Variants in DOCK6 observed in about 807,000 individuals in gnomAD.
DOCK6 encodes the protein dedicator of cytokinesis 6, also known as dedicator of cytokinesis protein 6.
DOCK6 carries 167 observed loss-of-function variants against 230.3 expected under a neutral mutation model. That is an observed-to-expected ratio of 0.73 (90% CI 0.64 to 0.82). The LOEUF is 0.82. Ranked by LOEUF, DOCK6 falls within the 40% of genes least tolerant of loss-of-function variation. DOCK6 has a pLI of 0.00. For synonymous variants in DOCK6, 1,148 were observed against 1,185.0 expected (o/e 0.97, Z 0.64); for missense variants, 2,598 against 2,825.8 (o/e 0.92, Z 1.83).
At chr19:11,214,964 A>G in intron 32 of DOCK6, among the ~76,000 whole-genome samples, 1 of 133,238 alleles carries the variant, frequency 7.5e-6, no homozygotes, top group Non-Finnish European at 1.6e-5. Flanking sequence ...TTTTTTTGAG[A>G]TGGAGTCTCG....
intron 22 of DOCK6, among the ~76,000 whole-genome samples, chr19:11,231,150 G>A (rs1402874508): frequency 6.6e-5 from 10 of 152,320 alleles, no homozygotes; most frequent in Admixed American, 6.5e-4. Context: ...AGGTTACCTT[G>A]GTGATGGGCA....
Position 11,214,581 on chromosome 19 carries a change from A to C in DOCK6, c.4175T>G (p.Val1392Gly), listed in dbSNP as rs1229818538. ...CACGATGATCTCCAGTGTGTCCAGA[A>C]CCACTAGGCTTGCCTCGGTTGCCAG... Reference protein sequence around the residue: ...GNLATEASLVVLDTLEIIVQT... With the variant: ...GNLATEASLVGLDTLEIIVQT... The change falls in exon 33 of 48, where the codon GTT (valine) becomes GGT (glycine). Residue 1392 changes from valine to glycine, a missense_variant. Physicochemically the swap from Val to Gly is moderately radical, Grantham distance 109 (BLOSUM62 -3). Coordinates refer to ENST00000294618, the MANE Select transcript of DOCK6 (RefSeq NM_020812.4). The C allele has an allele frequency of 6.2e-7, 1 of 1,613,850 alleles. No homozygotes were observed. The highest frequency in any genetic ancestry group is 8.5e-7 in the Non-Finnish European group (1 of 1,179,866).
At chr19:11,224,035 C>T (rs2079622707) in intron 24 of DOCK6, among the ~76,000 whole-genome samples, 1 of 152,046 alleles carries the variant, frequency 6.6e-6, no homozygotes, top group Admixed American at 6.6e-5. Flanking sequence ...GCTGCGGGTC[C>T]AACTCAATCC....
rs766155193 is a variant in DOCK6, at chr19:11,214,571, T to C, written c.4185A>G (p.Thr1395=). 1.2e-6 allele frequency: 2 copies of C among 1,613,820 alleles called. No individual in the cohort carries two copies. Among genetic ancestry groups the C allele is most frequent in the East Asian group, 2.2e-5 (1 of 44,882 alleles). The change falls in exon 33 of 48, where the codon ACA becomes ACG. Residue 1395 remains threonine, a synonymous_variant. Coordinates refer to ENST00000294618, the MANE Select transcript of DOCK6 (RefSeq NM_020812.4). ...ATEASLVVLD[T]LEIIVQTVML... ...GCCCTACCTGCACGATGATCTCCAG[T>C]GTGTCCAGAACCACTAGGCTTGCCT... is the stretch of plus-strand genomic sequence containing the variant.
rs200375462 is a variant in DOCK6 at position 11,208,723 on chromosome 19, A to T, written c.5051T>A (p.Val1684Glu). The T allele has an allele frequency of 1.2e-6, 2 of 1,613,224 alleles. No individual in the cohort carries two copies. Among genetic ancestry groups the T allele is most frequent in the African/African-American group, 2.7e-5 (2 of 74,988 alleles). Residue 1684 changes from valine (V) to glutamate (E), a missense_variant, in exon 39 of 48, where the codon GTA (valine) becomes GAA (glutamate). Transcript: ENST00000294618. The stretch of plus-strand genomic sequence containing the variant: ...GCCGGCTGCCTGTTCCAGCAACCCT[A>T]CCAGCCCCAGCTCAGTGAAGTGCTT... ...SGKHFTELGLVGLLEQAAGYF... is the reference protein window; with the variant it reads ...SGKHFTELGLEGLLEQAAGYF...
chr19:11,208,897 C>G lies in DOCK6; in HGVS notation c.4944+14G>C. The G allele has an allele frequency of 6.3e-7, 1 of 1,597,640 alleles. No homozygotes were observed. Among genetic ancestry groups the G allele is most frequent in the South Asian group, 1.1e-5 (1 of 90,766 alleles). ...CTCGTGCCGTCCGCCACCTGCCAAC[C>G]CCTGGCCACTCACCTGGAAGGAAAC... is the stretch of plus-strand genomic sequence containing the variant. On this transcript the variant is annotated intron_variant, in intron 38 of 47. Coordinates refer to ENST00000294618, the MANE Select transcript of DOCK6 (RefSeq NM_020812.4).
rs188725837 is a variant in DOCK6 at position 11,258,510 on chromosome 19, G to A, written c.44+3887C>T. On this transcript the variant is annotated intron_variant, in intron 1 of 47. Coordinates refer to ENST00000294618, the MANE Select transcript of DOCK6 (RefSeq NM_020812.4). The stretch of plus-strand genomic sequence containing the variant: ...TGCAGTGGTGAAATCTCAGCTCACT[G>A]CAACCTCCACGGCCCGGGTTCAAGC... Among the ~76,000 whole-genome samples the A allele has an allele frequency of 2.4e-3, 366 of 150,748 alleles. 7 individuals carry two copies. Among genetic ancestry groups the A allele is most frequent in the Admixed American group, 0.022 (328 of 15,088 alleles).
At chr19:11,259,440 G>C (rs1233360309) in intron 1 of DOCK6, among the ~76,000 whole-genome samples, 1 of 145,832 alleles carries the variant, frequency 6.9e-6, no homozygotes, top group Non-Finnish European at 1.5e-5. Context: ...ATGGGGGAGA[G>C]AGAGAGAGAG....
intron 37 of DOCK6, among the ~76,000 whole-genome samples, chr19:11,210,555 C>T (rs1193215885): frequency 1.4e-5 from 2 of 142,290 alleles, no homozygotes; most frequent in African/African-American, 5.3e-5. Context: ...CTTACCTGTC[C>T]ACCCCCTCAC....
In DOCK6 at chr19:11,212,164, G is replaced by C. The variant is rs1293574939; in HGVS notation, c.4492-13C>G. Reference sequence around the variant, plus strand: ...CACGGGCAAAGTTCTGCAGGGACAGGGGCGGGAGGGTGGAGCCGGGAGTCT... The same window carrying C: ...CACGGGCAAAGTTCTGCAGGGACAGCGGCGGGAGGGTGGAGCCGGGAGTCT... On this transcript the variant is annotated splice_polypyrimidine_tract_variant and intron_variant, in intron 35 of 47. Coordinates refer to ENST00000294618, the MANE Select transcript of DOCK6 (RefSeq NM_020812.4). 1.2e-6 allele frequency: 2 copies of C among 1,602,450 alleles called. No individual in the cohort carries two copies. The highest frequency in any genetic ancestry group is 2.2e-5 in the East Asian group (1 of 44,800).
rs368081450 is a variant in DOCK6 at position 11,235,624 on chromosome 19, G to C, written c.2528C>G (p.Pro843Arg). The C allele has an allele frequency of 1.9e-6, 3 of 1,600,600 alleles. No homozygotes were observed. Among genetic ancestry groups the C allele is most frequent in the Non-Finnish European group, 2.6e-6 (3 of 1,172,688 alleles). Residue 843 changes from proline to arginine, a missense_variant, in exon 21 of 48, where the codon CCT (proline) becomes CGT (arginine). Pro to Arg is a moderately radical substitution (Grantham distance 103). Coordinates refer to ENST00000294618, the MANE Select transcript of DOCK6 (RefSeq NM_020812.4). The stretch of plus-strand genomic sequence containing the variant: ...ATCCGGGAGGCTGGGCTCAGTGCCA[G>C]GAAGGCGAAAGGCGTAGTGGACGTA... ...AAYVHYAFRL[P>R]GTEPSLPDGA...
rs777366898 is a variant in DOCK6 at position 11,209,118 on chromosome 19, AG to A, written c.4752-16del. 9 of 1,607,770 alleles carry A rather than the reference AG, an allele frequency of 5.6e-6. No homozygotes were observed. The Admixed American group carries it at 8.4e-5, about 15-fold the overall frequency. ...CCCGGGCAATTCTGGAGTCCAGGTGAGGGGGGATGTGAGGAGGGGACTCACC... is the reference window on the plus strand; with the variant it reads ...CCCGGGCAATTCTGGAGTCCAGGTGAGGGGGATGTGAGGAGGGGACTCACC... On this transcript the variant is annotated splice_polypyrimidine_tract_variant and intron_variant, in intron 37 of 47. Coordinates refer to ENST00000294618, the MANE Select transcript of DOCK6 (RefSeq NM_020812.4).
At chr19:11,215,616 C>T in intron 31 of DOCK6, 145 bp from the exon 32 acceptor site, 1 of 1,288,394 alleles carries the variant, frequency 7.8e-7, no homozygotes, top group South Asian at 1.3e-5. Flanking sequence ...GGTGGACGCA[C>T]AGGGGCAAAC....
Position 11,221,979 on chromosome 19 carries a change from C to G in DOCK6, c.3422G>C (p.Ser1141Thr), listed in dbSNP as rs1226404999. The stretch of plus-strand genomic sequence containing the variant: ...GTCAGTGTCATGGCCACATAGCAGG[C>G]TGTGCACAGCACTGATGGCCTTCTT... ...LHKKAISAVH[S>T]LLCGHDTDPR... Residue 1141 changes from serine to threonine, a missense_variant, in exon 28 of 48, where the codon AGC becomes ACC. Transcript: ENST00000294618. The G allele has an allele frequency of 8.1e-6, 13 of 1,613,716 alleles. No homozygotes were observed. The highest frequency in any genetic ancestry group is 1.1e-5 in the Non-Finnish European group (13 of 1,179,834).
chr19:11,235,688 C>A lies in DOCK6; in HGVS notation c.2464G>T (p.Ala822Ser). 6.2e-7 allele frequency: 1 copy of A among 1,601,952 alleles called. No homozygotes were observed. The highest frequency in any genetic ancestry group is 1.7e-5 in the Admixed American group (1 of 58,588). ...GGGCAGTGACCGCGGGCATCCTGGG[C>A]TGCCTCCAGGCTCCGGTGAACAAGG... is the stretch of plus-strand genomic sequence containing the variant. ...VSLVHRSLEAAQDARGHCPQL... is the reference protein window; with the variant it reads ...VSLVHRSLEASQDARGHCPQL... The change falls in exon 21 of 48, where the codon GCC becomes TCC. Residue 822 changes from alanine to serine, a missense_variant. Coordinates refer to ENST00000294618, the MANE Select transcript of DOCK6 (RefSeq NM_020812.4).
intron 35 of DOCK6, among the ~76,000 whole-genome samples, chr19:11,212,785 G>A (rs1157774548): frequency 2.0e-5 from 3 of 150,384 alleles, no homozygotes; most frequent in African/African-American, 7.3e-5. Flanking sequence ...GGCTGGTCTC[G>A]AACTCCTGAC....
chr19:11,227,370 A>G lies in DOCK6; in HGVS notation c.2922T>C (p.Ser974=). 6.2e-7 allele frequency: 1 copy of G among 1,613,918 alleles called. No homozygotes were observed. The highest frequency in any genetic ancestry group is 8.5e-7 in the Non-Finnish European group (1 of 1,179,898). Residue 974 remains serine, a synonymous_variant, in exon 24 of 48, where the codon TCT becomes TCC. Transcript: ENST00000294618. The part of the protein sequence containing the change: ...FLDDITALVG[S]VGLEVITRVH... ...CACGGGTGATGACCTCCAGGCCCAC[A>G]GAGCCCACCAAGGCAGTGATGTCGT...
At chr19:11,245,521 A>G in intron 9 of DOCK6, 42 bp downstream of exon 9, 3 of 1,519,702 alleles carry the variant, frequency 2.0e-6, no homozygotes, top group Non-Finnish European at 2.7e-6. Flanking sequence ...TAAATCAGTG[A>G]CATTCGCCAT....
At chr19:11,255,307 C>CT (rs34628990) in intron 1 of DOCK6, among the ~76,000 whole-genome samples, 16,921 of 135,912 alleles carry the variant, frequency 0.12, 1,038 homozygotes, top group African/African-American at 0.14. Flanking sequence ...TCCCGGCCTA[C>CT]TTTTTTTTTT....
Sources: gnomAD v4.1 joint callset for allele counts (sites outside exome capture counted in the v4.1 genomes callset) on GRCh38, gnomAD v4.1.1 for gene constraint, MANE v1.5 for transcripts, NCBI Gene and HGNC (gene_info 2026-07-23, HGNC 2026-07-21) for gene names.